Variants in GRIN2B observed in about 807,000 individuals in gnomAD.
GRIN2B encodes glutamate ionotropic receptor NMDA type subunit 2B.
In GRIN2B, 5 loss-of-function variants were observed where a neutral mutation model predicts 114.5. That is an observed-to-expected ratio of 0.04 (90% CI 0.02 to 0.09). The LOEUF is 0.09. GRIN2B is among the 10% of genes least tolerant of loss of function. The pLI is 1.00. For missense variants in GRIN2B, 1,108 were observed against 1,943.5 expected (o/e 0.57, Z 8.08); for synonymous variants, 787 against 745.1 (o/e 1.06, Z -0.92).
chr12:13,722,963 G>A (rs140556479), intron 4 of GRIN2B, among the ~76,000 whole-genome samples: 3,027 of 152,086 alleles, frequency 0.02, 53 homozygotes, highest in South Asian at 0.053. Context: ...CCAACTTCAC[G>A]GAGCACCTCA....
rs181390006 is a variant in GRIN2B, at chr12:13,675,726, T to G, written c.1125+19A>C. On this transcript the variant is annotated intron_variant, in intron 5 of 13. Transcript: ENST00000609686. ...TTTCTACTCTACTTTGCTCAAGAAT[T>G]GTCAAAGACATGTCTTACCCTTTCC... 1.1e-5 allele frequency: 16 copies of G among 1,418,234 alleles called. No individual in the cohort carries two copies. In the African/African-American group the frequency reaches 2.2e-4, roughly 20 times the overall value. 87.9% of individuals were successfully genotyped at this position (1,418,234 alleles called of 1,614,324 possible). A position where few individuals can be genotyped will look rare whatever the true frequency, so the allele number is the denominator to read the frequency against.
intron 3 of GRIN2B, among the ~76,000 whole-genome samples, chr12:13,862,897 G>A (rs528504146): frequency 1.3e-5 from 2 of 152,290 alleles, no homozygotes; most frequent in African/African-American, 2.4e-5. Context: ...GCCTGGGGCT[G>A]AGCCTCCAAC....
At chr12:13,953,295 C>T (rs954961072) in intron 2 of GRIN2B, among the ~76,000 whole-genome samples, 1 of 152,100 alleles carries the variant, frequency 6.6e-6, no homozygotes, top group African/African-American at 2.4e-5. Flanking sequence ...CTCAATTAGT[C>T]AATGCAATTA....
At chr12:13,619,388 A>C (rs941467459) in intron 5 of GRIN2B, among the ~76,000 whole-genome samples, 1 of 152,242 alleles carries the variant, frequency 6.6e-6, no homozygotes, top group Non-Finnish European at 1.5e-5. Flanking sequence ...GGTGAAGGGA[A>C]GGTACGAATG....
intron 5 of GRIN2B, among the ~76,000 whole-genome samples, chr12:13,646,663 T>TCTTCTC (rs531412142): frequency 2.0e-5 from 3 of 152,156 alleles, no homozygotes; most frequent in African/African-American, 7.2e-5. Context: ...CTCCTCCTCC[T>TCTTCTC]CTTCTCCTTC....
chr12:13,551,894 T>C lies in GRIN2B; in HGVS notation c.*10889A>G, dbSNP rs747569874. ...AAAAGAAAATCAATTACAATTAAAA[T>C]GTGACAATGACAGTTAACTGCAAGA... On this transcript the variant is annotated 3_prime_UTR_variant, in exon 14 of 14. Transcript: ENST00000609686. 6.6e-6 allele frequency: 1 copy of C among 152,088 alleles called. No individual in the cohort carries two copies. The highest frequency in any genetic ancestry group is 1.5e-5 in the Non-Finnish European group (1 of 67,998). The allele number at this position is 152,088 out of a possible 1,614,324, so 9.4% of individuals were successfully genotyped here.
chr12:13,896,707 T>C (rs75225635), intron 2 of GRIN2B, among the ~76,000 whole-genome samples: 1,896 of 152,222 alleles, frequency 0.012, 44 homozygotes, highest in African/African-American at 0.043. Flanking sequence ...GTTGGGGGAT[T>C]GGGGAGGGCC....
chr12:13,708,848 C>T (rs926314789), intron 4 of GRIN2B, among the ~76,000 whole-genome samples: 3 of 152,024 alleles, frequency 2.0e-5, no homozygotes, highest in African/African-American at 7.2e-5. Flanking sequence ...TTATTGAGTG[C>T]TTCCAATATT....
At chr12:13,783,111 T>G (rs577885824) in intron 3 of GRIN2B, among the ~76,000 whole-genome samples, 1 of 152,270 alleles carries the variant, frequency 6.6e-6, no homozygotes, top group East Asian at 1.9e-4. Context: ...AATATAAAGG[T>G]CAATTTTATA....
intron 3 of GRIN2B, among the ~76,000 whole-genome samples, chr12:13,790,339 C>T (rs1565538214): frequency 6.6e-6 from 1 of 152,204 alleles, no homozygotes; most frequent in Non-Finnish European, 1.5e-5. Flanking sequence ...TTCAGACTTT[C>T]CTGTCCCACA....
At chr12:13,858,081 G>A in intron 3 of GRIN2B, among the ~76,000 whole-genome samples, 1 of 151,966 alleles carries the variant, frequency 6.6e-6, no homozygotes, top group South Asian at 2.1e-4. Context: ...ACTACCTAAA[G>A]GTATTGGACA....
Position 13,552,739 on chromosome 12 carries a change from A to C in GRIN2B, c.*10044T>G, listed in dbSNP as rs960081968. 6.6e-6 allele frequency: 1 copy of C among 152,144 alleles called. No homozygotes were observed. The highest frequency in any genetic ancestry group is 1.9e-4 in the East Asian group (1 of 5,192). 9.4% of individuals were successfully genotyped at this position (152,144 alleles called of 1,614,324 possible). ...TATTCTCATTTTCAGGAGCAAGGCTATCTAGACCCCATAGGACTTTTGAAA... is the reference window on the plus strand; with the variant it reads ...TATTCTCATTTTCAGGAGCAAGGCTCTCTAGACCCCATAGGACTTTTGAAA... On this transcript the variant is annotated 3_prime_UTR_variant, in exon 14 of 14. Transcript: ENST00000609686.
intron 4 of GRIN2B, among the ~76,000 whole-genome samples, chr12:13,706,251 T>A (rs1427821405): frequency 6.6e-6 from 1 of 152,070 alleles, no homozygotes; most frequent in Non-Finnish European, 1.5e-5. Flanking sequence ...TGAGGCTCAA[T>A]AAGGCTGGAA....
At chr12:13,650,427 A>T (rs896089350) in intron 5 of GRIN2B, among the ~76,000 whole-genome samples, 2 of 151,996 alleles carry the variant, frequency 1.3e-5, no homozygotes, top group Non-Finnish European at 2.9e-5. Context: ...ACTCACTTAC[A>T]ATTCAGCAGA....
intron 2 of GRIN2B, among the ~76,000 whole-genome samples, chr12:13,905,242 C>G (rs1565581829): frequency 6.6e-6 from 1 of 152,168 alleles, no homozygotes; most frequent in Non-Finnish European, 1.5e-5. Context: ...TGGGGAAGGT[C>G]TCTCCCTGCT....
intron 2 of GRIN2B, among the ~76,000 whole-genome samples, chr12:13,899,145 A>AG (rs1866402724): frequency 2.6e-5 from 4 of 152,212 alleles, no homozygotes; most frequent in Admixed American, 2.6e-4. Context: ...CTCAAAATAT[A>AG]TTATGAAAGA....
chr12:13,785,682 T>A (rs1458194814), intron 3 of GRIN2B, among the ~76,000 whole-genome samples: 1 of 152,226 alleles, frequency 6.6e-6, no homozygotes, highest in East Asian at 1.9e-4. Flanking sequence ...ATTAAGTGTG[T>A]ACTATGAGCT....
At chr12:13,627,649 C>T (rs1949581656) in intron 5 of GRIN2B, among the ~76,000 whole-genome samples, 1 of 152,238 alleles carries the variant, frequency 6.6e-6, no homozygotes. Flanking sequence ...TCCACTCAAG[C>T]TCTTTGAGTC....
At chr12:13,915,129 A>C (rs933248365) in intron 2 of GRIN2B, among the ~76,000 whole-genome samples, 1 of 152,224 alleles carries the variant, frequency 6.6e-6, no homozygotes, top group African/African-American at 2.4e-5. Flanking sequence ...TTTTATCTTT[A>C]TGCATTATAT....
Sources: gnomAD v4.1 joint callset for allele counts (sites outside exome capture counted in the v4.1 genomes callset) on GRCh38, gnomAD v4.1.1 for gene constraint, MANE v1.5 for transcripts, NCBI Gene and HGNC (gene_info 2026-07-23, HGNC 2026-07-21) for gene names.